Variants in SLC4A1AP observed in about 807,000 individuals in gnomAD.
SLC4A1AP encodes the protein solute carrier family 4 member 1 adaptor protein.
SLC4A1AP carries 64 observed loss-of-function variants against 89.7 expected under a neutral mutation model. The observed-to-expected ratio is 0.71, with a 90% CI of 0.58 to 0.88. SLC4A1AP has a LOEUF of 0.88. SLC4A1AP is among the 40% of genes least tolerant of loss of function. The pLI, the probability that SLC4A1AP is intolerant of heterozygous loss-of-function variation, is 0.00. For synonymous variants in SLC4A1AP, 366 were observed against 353.3 expected, an observed-to-expected ratio of 1.04 and a Z score of -0.40; for missense variants, 931 against 965.0, an observed-to-expected ratio of 0.96 and a Z score of 0.47.
chr2:27,687,285 A>G (rs1404138615), intron 10 of SLC4A1AP, among the ~76,000 whole-genome samples: 1 of 152,168 alleles, frequency 6.6e-6, no homozygotes. Context: ...ACAAACATAT[A>G]TATAACAAAT....
intron 5 of SLC4A1AP, among the ~76,000 whole-genome samples, chr2:27,673,451 C>G (rs1193712331): frequency 9.1e-6 from 1 of 110,442 alleles, no homozygotes; most frequent in Non-Finnish European, 1.8e-5. Flanking sequence ...TCCCTTCCTT[C>G]CTTCCTTCCT....
At chr2:27,668,963 A>G (rs763872602) in intron 4 of SLC4A1AP, 60 bp downstream of exon 4, 18 of 1,449,070 alleles carry the variant, frequency 1.2e-5, no homozygotes, top group Admixed American at 1.8e-5. Context: ...GGTTTAATGT[A>G]TGGTTATAGA....
chr2:27,693,462 T>C, intron 12 of SLC4A1AP: 1 of 476,186 alleles, frequency 2.1e-6, no homozygotes, highest in South Asian at 4.1e-5. Flanking sequence ...TTGCATTTCT[T>C]GTAGGTCTGG....
chr2:27,693,898 A>G (rs1675830839), intron 13 of SLC4A1AP, 144 bp downstream of exon 13: 5 of 519,504 alleles, frequency 9.6e-6, no homozygotes, highest in Non-Finnish European at 1.6e-5. Context: ...TTATTCAAAC[A>G]AACAACTGTT....
intron 5 of SLC4A1AP, among the ~76,000 whole-genome samples, chr2:27,674,152 T>C (rs1675477945): frequency 6.6e-6 from 1 of 152,094 alleles, no homozygotes; most frequent in Non-Finnish European, 1.5e-5. Flanking sequence ...AATAACCTCA[T>C]TGTAAAGAGA....
chr2:27,678,013 T>G, intron 8 of SLC4A1AP, 89 bp downstream of exon 8: 1 of 883,548 alleles, frequency 1.1e-6, no homozygotes, highest in Admixed American at 3.3e-5. Context: ...AAATAATCAT[T>G]ATATAATACA....
chr2:27,694,530 C>T, intron 13 of SLC4A1AP, 104 bp from the exon 14 acceptor site: 1 of 754,714 alleles, frequency 1.3e-6, no homozygotes, highest in Non-Finnish European at 2.0e-6. Context: ...TAGAATAAAC[C>T]TTTTTGTCTA....
chr2:27,669,047 T>C lies in SLC4A1AP; in HGVS notation c.1205+144T>C, dbSNP rs565677928. 171 of 1,016,548 alleles carry C rather than the reference T, an allele frequency of 1.7e-4. 1 individual carries two copies. Among genetic ancestry groups the C allele is most frequent in the Non-Finnish European group, 7.2e-5 (49 of 682,108 alleles). 63.0% of individuals were successfully genotyped at this position (1,016,548 alleles called of 1,614,324 possible). ...TTGAGCCTTTATCGTTTAGTAACCC[T>C]TATATTATTGGAGAGTGGGGTGGGA... On this transcript the variant is annotated intron_variant, in intron 4 of 13. Transcript: ENST00000613058.
intron 2 of SLC4A1AP, among the ~76,000 whole-genome samples, chr2:27,667,031 C>A (rs1156398270): frequency 6.6e-6 from 1 of 151,914 alleles, no homozygotes; most frequent in African/African-American, 2.4e-5. Context: ...CTGTGCCCAG[C>A]TAATTTTTTT....
chr2:27,682,340 T>C (rs944521918), exon 9 of SLC4A1AP: 22 of 1,611,668 alleles, frequency 1.4e-5, no homozygotes, highest in Non-Finnish European at 1.8e-5. Context: ...AAATTCAAAT[T>C]AAAAACTGGA....
At chr2:27,670,720 G>A (rs114610665) in intron 5 of SLC4A1AP, among the ~76,000 whole-genome samples, 3,925 of 151,670 alleles carry the variant, frequency 0.026, 162 homozygotes, top group African/African-American at 0.091. Context: ...AATCAGTTGG[G>A]TGTGGTGGCA....
chr2:27,666,710 A>G (rs1278162958), intron 2 of SLC4A1AP, among the ~76,000 whole-genome samples: 2 of 151,928 alleles, frequency 1.3e-5, no homozygotes, highest in Non-Finnish European at 2.9e-5. Flanking sequence ...ATAATGATGG[A>G]GAAAAAAAAA....
At chr2:27,682,625 A>T (rs541012138) in intron 9 of SLC4A1AP, among the ~76,000 whole-genome samples, 14 of 151,864 alleles carry the variant, frequency 9.2e-5, no homozygotes, top group Non-Finnish European at 1.6e-4. Context: ...CCCGGGTTCA[A>T]GCAATTCTCC....
At chr2:27,685,138 A>G (rs1239078825) in exon 10 of SLC4A1AP, 1 of 1,613,946 alleles carries the variant, frequency 6.2e-7, no homozygotes, top group East Asian at 2.2e-5. Context: ...AAGAAGAGAA[A>G]GAAAAGGAGG....
chr2:27,688,887 A>G (rs1237206023), intron 12 of SLC4A1AP, 120 bp downstream of exon 12: 2 of 640,134 alleles, frequency 3.1e-6, no homozygotes, highest in Admixed American at 3.6e-5. Flanking sequence ...CCCCTCTCCT[A>G]GAAATCTAGA....
intron 5 of SLC4A1AP, among the ~76,000 whole-genome samples, chr2:27,672,406 T>C (rs1675439450): frequency 1.3e-5 from 2 of 152,120 alleles, no homozygotes; most frequent in Admixed American, 6.5e-5. Context: ...TCTTTCTCTT[T>C]TTTTAAAGTT....
intron 4 of SLC4A1AP, 123 bp downstream of exon 4, chr2:27,669,026 G>A (rs1675379106): frequency 8.8e-7 from 1 of 1,137,100 alleles, no homozygotes; most frequent in South Asian, 1.4e-5. Flanking sequence ...CTAAATTTGA[G>A]CCTTTATCGT....
At chr2:27,688,582 T>A in intron 11 of SLC4A1AP, 118 bp from the exon 12 acceptor site, 1 of 681,146 alleles carries the variant, frequency 1.5e-6, no homozygotes, top group Non-Finnish European at 2.5e-6. Flanking sequence ...TTGTTGAGAA[T>A]TGCATTGTCA....
intron 2 of SLC4A1AP, 38 bp downstream of exon 2, chr2:27,665,333 A>T: frequency 6.5e-7 from 1 of 1,538,732 alleles, no homozygotes; most frequent in South Asian, 1.2e-5. Context: ...TTAATATTTT[A>T]AGTTCATTAC....
Sources: allele counts gnomAD v4.1 joint callset (sites outside exome capture counted in the v4.1 genomes callset), GRCh38; gene constraint gnomAD v4.1.1; transcripts MANE v1.5; gene names NCBI Gene and HGNC (gene_info 2026-07-23, HGNC 2026-07-21).